Variants in NTM observed in about 807,000 individuals in gnomAD.
NTM encodes the protein IgLON family member 2.
In NTM, 13 loss-of-function variants were observed where a neutral mutation model predicts 42.1. The ratio of observed to expected loss-of-function variants is 0.31; its 90% CI spans 0.20 to 0.49. NTM has a LOEUF of 0.49. NTM is among the 20% of genes least tolerant of loss of function. NTM has a pLI of 0.99. For missense variants in NTM, 373 were observed against 452.8 expected (o/e 0.82, Z 1.60); for synonymous variants, 187 against 179.2 (o/e 1.04, Z -0.35).
chr11:131,901,655 A>G (rs1487048256), intron 1 of NTM, among the ~76,000 whole-genome samples: 2 of 145,098 alleles, frequency 1.4e-5, no homozygotes, highest in Non-Finnish European at 3.0e-5. Context: ...TCTGCCTTTG[A>G]AAAAAAAAAA....
At chr11:131,921,382 A>T (rs2057205233) in intron 2 of NTM, among the ~76,000 whole-genome samples, 1 of 152,136 alleles carries the variant, frequency 6.6e-6, no homozygotes, top group Admixed American at 6.5e-5. Context: ...AAGAAATGCC[A>T]CAGATTGCCA....
Position 132,146,224 on chromosome 11 carries a change from T to C in NTM, c.168-58T>C. 1 of 1,597,780 alleles carries C rather than the reference T, an allele frequency of 6.3e-7. No individual in the cohort carries two copies. Among genetic ancestry groups the C allele is most frequent in the Non-Finnish European group, 8.5e-7 (1 of 1,170,186 alleles). On this transcript the variant is annotated intron_variant, in intron 2 of 8. Transcript: ENST00000683400. The surrounding 1 kb of genome is among the most constrained non-coding windows in gnomAD (Gnocchi z 4.5). ...TCTAGCCTTGCCATGAGGACCTCCC[T>C]CTGATGGCTGCTGTCGTCTCTCAGT...
At chr11:131,743,351 T>C (rs540963330) in intron 1 of NTM, among the ~76,000 whole-genome samples, 2 of 147,762 alleles carry the variant, frequency 1.4e-5, no homozygotes, top group East Asian at 3.9e-4. Context: ...GGAAATAAAA[T>C]GTAGAAGCCT....
At chr11:132,319,263 C>T (rs1026327545) in intron 7 of NTM, among the ~76,000 whole-genome samples, 2 of 152,210 alleles carry the variant, frequency 1.3e-5, no homozygotes, top group African/African-American at 2.4e-5. Flanking sequence ...GAGTGCCAGA[C>T]AGTAGGTGCA....
chr11:132,068,018 C>T (rs1184869085), intron 2 of NTM, among the ~76,000 whole-genome samples: 1 of 152,148 alleles, frequency 6.6e-6, no homozygotes, highest in Non-Finnish European at 1.5e-5. Context: ...AAAGGGTCCT[C>T]CACAGAATTT....
chr11:132,211,889 C>G lies in NTM; in HGVS notation c.401-133C>G. 5.3e-6 allele frequency: 4 copies of G among 749,776 alleles called. 1 individual carries two copies. The South Asian group carries it at 1.1e-4, about 21-fold the overall frequency. 46.4% of individuals were successfully genotyped at this position (749,776 alleles called of 1,614,324 possible). A position where few individuals can be genotyped will look rare whatever the true frequency, so the allele number is the denominator to read the frequency against. ...GACTTTTTTATGTTTAAGGTAATTCCTCTAATTTCTTATCGTTAACTTACT... is the reference window on the plus strand; with the variant it reads ...GACTTTTTTATGTTTAAGGTAATTCGTCTAATTTCTTATCGTTAACTTACT... On this transcript the variant is annotated intron_variant, in intron 3 of 8. Transcript: ENST00000683400.
intron 1 of NTM, among the ~76,000 whole-genome samples, chr11:131,846,690 T>C (rs1459087748): frequency 6.6e-6 from 1 of 152,168 alleles, no homozygotes; most frequent in Non-Finnish European, 1.5e-5. Context: ...ACATATTCCA[T>C]GTGTACTTGG....
chr11:131,559,627 C>T (rs1202144242), intron 1 of NTM, among the ~76,000 whole-genome samples: 5 of 152,322 alleles, frequency 3.3e-5, no homozygotes, highest in South Asian at 2.1e-4. Flanking sequence ...GGTTAAGACG[C>T]TGTAATCAGG....
chr11:131,778,070 T>G (rs1237521688), intron 1 of NTM, among the ~76,000 whole-genome samples: 2 of 152,216 alleles, frequency 1.3e-5, no homozygotes, highest in Non-Finnish European at 2.9e-5. Flanking sequence ...ACATCAACTG[T>G]CACAGCTCAG....
intron 7 of NTM, among the ~76,000 whole-genome samples, chr11:132,320,869 CT>C (rs1470883123): frequency 6.6e-6 from 1 of 151,734 alleles, no homozygotes; most frequent in Non-Finnish European, 1.5e-5. Context: ...TCCCTGACCC[CT>C]GACCCCCGAG....
Position 132,144,548 on chromosome 11 carries a change from A to G in NTM, c.168-1734A>G, listed in dbSNP as rs114584901. ...TGTCCTAGACACACTGCTCCATATT[A>G]GTGGTTTTGAAACATTAGTGTGTGT... On this transcript the variant is annotated intron_variant, in intron 2 of 8. Transcript: ENST00000683400. Among the ~76,000 whole-genome samples, 657 of 152,344 alleles carry G rather than the reference A, an allele frequency of 4.3e-3. 5 individuals are homozygous for G. Among genetic ancestry groups the G allele is most frequent in the African/African-American group, 0.015 (619 of 41,574 alleles).
At chr11:131,489,751 G>C (rs906557476) in intron 1 of NTM, among the ~76,000 whole-genome samples, 1 of 152,164 alleles carries the variant, frequency 6.6e-6, no homozygotes, top group African/African-American at 2.4e-5. Flanking sequence ...ATTACTAAAA[G>C]AAGCCACTTA....
At chr11:131,387,919 G>A (rs569429275) in intron 1 of NTM, among the ~76,000 whole-genome samples, 55 of 152,334 alleles carry the variant, frequency 3.6e-4, no homozygotes, top group African/African-American at 1.3e-3. Flanking sequence ...AGAGAAAGGA[G>A]TCTGTGACAT....
intron 1 of NTM, among the ~76,000 whole-genome samples, chr11:131,837,903 C>A (rs1316041582): frequency 6.6e-6 from 1 of 152,142 alleles, no homozygotes; most frequent in African/African-American, 2.4e-5. Context: ...TGTGTAATAC[C>A]AGGTTTTATA....
At chr11:132,231,415 T>C (rs2139040551) in intron 4 of NTM, among the ~76,000 whole-genome samples, 1 of 152,358 alleles carries the variant, frequency 6.6e-6, no homozygotes. Flanking sequence ...CGATAGCGAA[T>C]GACTGCTTGT....
intron 1 of NTM, among the ~76,000 whole-genome samples, chr11:131,815,483 G>A (rs1030646971): frequency 4.6e-5 from 7 of 152,296 alleles, no homozygotes; most frequent in Admixed American, 1.3e-4. Flanking sequence ...CTGGAGCACA[G>A]TAGACACTCA....
chr11:132,146,042 C>T lies in NTM; in HGVS notation c.168-240C>T, dbSNP rs369124314. Among the ~76,000 whole-genome samples, 1 of 152,282 alleles carries T rather than the reference C, an allele frequency of 6.6e-6. No individual in the cohort carries two copies. Among genetic ancestry groups the T allele is most frequent in the African/African-American group, 2.4e-5 (1 of 41,556 alleles). On this transcript the variant is annotated intron_variant, in intron 2 of 8. Transcript: ENST00000683400. This position sits in a 1 kb window ranked among gnomAD's most constrained non-coding sequence, Gnocchi z 4.5. ...GGTACCTCTAGGTTATAACTGAGAT[C>T]GTATTTGAAGTGGTTCTGTGCTCAA...
chr11:131,466,275 A>C (rs753496402), intron 1 of NTM, among the ~76,000 whole-genome samples: 35 of 152,222 alleles, frequency 2.3e-4, no homozygotes, highest in Non-Finnish European at 4.3e-4. Context: ...AATTCAAGCT[A>C]CAAATGCAGC....
At chr11:131,518,947 G>A (rs1233140047) in intron 1 of NTM, among the ~76,000 whole-genome samples, 2 of 152,190 alleles carry the variant, frequency 1.3e-5, no homozygotes, top group East Asian at 1.9e-4. Context: ...TCCCACAAAT[G>A]TCCTGTATTG....
Sources: allele counts gnomAD v4.1 joint callset (sites outside exome capture counted in the v4.1 genomes callset), GRCh38; gene constraint gnomAD v4.1.1; non-coding constraint Gnocchi (gnomAD v3.1); transcripts MANE v1.5; gene names NCBI Gene and HGNC (gene_info 2026-07-23, HGNC 2026-07-21).